Variants in PEAK1 observed in about 807,000 individuals in gnomAD.
PEAK1 encodes inactive tyrosine-protein kinase PEAK1.
Under a neutral mutation model 124.7 loss-of-function variants are expected in PEAK1, and 54 were observed. The observed-to-expected ratio is 0.43, with a 90% confidence interval of 0.35 to 0.54. PEAK1 has a LOEUF of 0.54. Among genes scored for constraint, PEAK1 ranks in the 20% least tolerant of loss-of-function variants. PEAK1 has a pLI of 0.01. For missense variants in PEAK1, 2,046 were observed against 2,134.5 expected, an observed-to-expected ratio of 0.96 and a Z score of 0.82; for synonymous variants, 719 against 760.0, an observed-to-expected ratio of 0.95 and a Z score of 0.89.
chr15:77,253,616 T>A (rs748500659), intron 5 of PEAK1, among the ~76,000 whole-genome samples: 2 of 152,228 alleles, frequency 1.3e-5, no homozygotes, highest in African/African-American at 2.4e-5. Context: ...TTTACCTTCA[T>A]TTTTGAATGA....
intron 5 of PEAK1, chr15:77,278,782 G>A: frequency 2.7e-6 from 1 of 369,012 alleles, no homozygotes. Context: ...TGACTATACA[G>A]TTTGAAATAC....
At chr15:77,283,813 C>T in intron 5 of PEAK1, 70 bp downstream of exon 5, 1 of 743,318 alleles carries the variant, frequency 1.3e-6, no homozygotes, top group Non-Finnish European at 1.6e-6. Flanking sequence ...TATGCTTATT[C>T]TTAATCCAGG....
Position 77,179,137 on chromosome 15 carries a change from G to A in PEAK1, c.2790C>T (p.Ser930=), listed in dbSNP as rs2152817003. The change falls in exon 7 of 10, where the codon AGC becomes AGT. Residue 930 remains serine (S), a synonymous_variant. Transcript: ENST00000682557. ...CATCTGTTTTCCGACGGCGGAAGAA[G>A]CTTTTAAATGATATCCAGCGCTTAG... ...AKPKRWISFK[S]FFRRRKTDEE... 6.2e-7 allele frequency: 1 copy of A among 1,614,154 alleles called. No individual in the cohort carries two copies. Among genetic ancestry groups the A allele is most frequent in the South Asian group, 1.1e-5 (1 of 91,086 alleles).
chr15:77,394,517 C>T (rs184092068), intron 1 of PEAK1, among the ~76,000 whole-genome samples: 2 of 152,258 alleles, frequency 1.3e-5, no homozygotes, highest in Admixed American at 6.5e-5. Flanking sequence ...GGATCTTATC[C>T]AAGACCACCA....
At chr15:77,220,532 A>C (rs1168576599) in intron 6 of PEAK1, among the ~76,000 whole-genome samples, 3 of 151,798 alleles carry the variant, frequency 2.0e-5, no homozygotes, top group South Asian at 2.1e-4. Flanking sequence ...AAAAAAAAAA[A>C]AAAAACGGTG....
At chr15:77,213,462 T>G (rs1203533137) in intron 6 of PEAK1, among the ~76,000 whole-genome samples, 1 of 151,872 alleles carries the variant, frequency 6.6e-6, no homozygotes, top group Non-Finnish European at 1.5e-5. Flanking sequence ...GAGGCCGAGG[T>G]GGGTGATCAC....
chr15:77,239,329 T>C (rs2060257156), intron 6 of PEAK1, among the ~76,000 whole-genome samples: 2 of 152,154 alleles, frequency 1.3e-5, no homozygotes. Flanking sequence ...CCCCAGAAAT[T>C]CTATTTTAAT....
Position 77,180,645 on chromosome 15 carries a change from T to C in PEAK1, c.1282A>G (p.Ile428Val). 1.2e-6 allele frequency: 2 copies of C among 1,614,182 alleles called. No homozygotes were observed. Among genetic ancestry groups the C allele is most frequent in the Non-Finnish European group, 1.7e-6 (2 of 1,180,012 alleles). ...ALRLEEKDGKIAVQTEKEESK... is the reference protein window; with the variant it reads ...ALRLEEKDGKVAVQTEKEESK... ...TCTTCCTTCTCAGTTTGTACAGCAA[T>C]CTTGCCATCTTTCTCTTCTAATCGG... is the stretch of plus-strand genomic sequence containing the variant. The change falls in exon 7 of 10, where the codon ATT becomes GTT. Residue 428 changes from isoleucine to valine, a missense_variant. By Grantham distance (29) the Ile-to-Val change is conservative. Transcript: ENST00000682557.
At chr15:77,261,291 A>C (rs2061425190) in intron 5 of PEAK1, among the ~76,000 whole-genome samples, 1 of 152,236 alleles carries the variant, frequency 6.6e-6, no homozygotes, top group African/African-American at 2.4e-5. Context: ...TGATGAGTTG[A>C]GAGAAGAAGG....
intron 5 of PEAK1, among the ~76,000 whole-genome samples, chr15:77,266,332 A>C (rs1262670229): frequency 6.6e-6 from 1 of 152,156 alleles, no homozygotes; most frequent in Non-Finnish European, 1.5e-5. Flanking sequence ...CTAGGTATTT[A>C]CTCCACAGAG....
intron 1 of PEAK1, among the ~76,000 whole-genome samples, chr15:77,388,316 T>G (rs1217627396): frequency 6.6e-6 from 1 of 152,208 alleles, no homozygotes; most frequent in Admixed American, 6.5e-5. Flanking sequence ...GTGGGCTTCA[T>G]AGGTAAAAGG....
chr15:77,271,783 G>T (rs2062047057), intron 5 of PEAK1, among the ~76,000 whole-genome samples: 1 of 152,148 alleles, frequency 6.6e-6, no homozygotes, highest in Non-Finnish European at 1.5e-5. Context: ...GCCTGTTGTG[G>T]GGTGGGAGGA....
chr15:77,252,452 C>T lies in PEAK1; in HGVS notation c.-200G>A, dbSNP rs1452391343. ...AACATTCCTTCCAAATTTCAAGGTG[C>T]TTTGGGTCTTTCCAAGATGAATGTC... On this transcript the variant is annotated 5_prime_UTR_variant, in exon 6 of 10. Transcript: ENST00000682557. 2 of 984,718 alleles carry T rather than the reference C, an allele frequency of 2.0e-6. No individual in the cohort carries two copies. The highest frequency in any genetic ancestry group is 1.1e-4 in the East Asian group (1 of 8,818). The allele number at this position is 984,718 out of a possible 1,614,324, so 61.0% of individuals were successfully genotyped here. A position where few individuals can be genotyped will look rare whatever the true frequency, so the allele number is the denominator to read the frequency against.
In PEAK1 at chr15:77,180,145, T is replaced by C. The variant is rs2057157697; in HGVS notation, c.1782A>G (p.Lys594=). 1.9e-5 allele frequency: 30 copies of C among 1,614,154 alleles called. No individual in the cohort carries two copies. Among genetic ancestry groups the C allele is most frequent in the Non-Finnish European group, 2.5e-5 (30 of 1,179,992 alleles). Residue 594 remains lysine, a synonymous_variant, in exon 7 of 10, where the codon AAA becomes AAG. Transcript: ENST00000682557. ...TACCAGCATTGTTATAACTATTAAA[T>C]TTAATTTCAGACAAATTAGGTGACT... ...PVKSPNLSEI[K]FNSYNNAGMP...
At chr15:77,362,855 A>T (rs1257272630) in intron 2 of PEAK1, among the ~76,000 whole-genome samples, 2 of 152,056 alleles carry the variant, frequency 1.3e-5, no homozygotes, top group Non-Finnish European at 1.5e-5. Flanking sequence ...TTTTTATTTT[A>T]TTTATTTATT....
rs185153768 is a variant in PEAK1, at chr15:77,250,282, C to T, written c.-115+2085G>A. On this transcript the variant is annotated intron_variant, in intron 6 of 9. Transcript: ENST00000682557. ...ATTTTTTTTTGACAGAGTTTCACTC[C>T]GTCACCCAGGCTGGAGTGCAGTGGC... Among the ~76,000 whole-genome samples, 107 of 145,002 alleles carry T rather than the reference C, an allele frequency of 7.4e-4. 4 individuals carry two copies. Among genetic ancestry groups the T allele is most frequent in the Non-Finnish European group, 7.5e-5 (5 of 66,984 alleles).
In PEAK1 at chr15:77,179,070, C is replaced by A. The variant is rs767479708; in HGVS notation, c.2857G>T (p.Val953Leu). 1.2e-6 allele frequency: 2 copies of A among 1,614,060 alleles called. No individual in the cohort carries two copies. Among genetic ancestry groups the A allele is most frequent in the African/African-American group, 1.3e-5 (1 of 74,920 alleles). ...TGAATGACTGTGCCATCCAGGCCCACCAGTTTCCCTTTCTCTCGCTCTTTC... is the reference window on the plus strand; with the variant it reads ...TGAATGACTGTGCCATCCAGGCCCAACAGTTTCCCTTTCTCTCGCTCTTTC... ...KEKEREKGKLVGLDGTVIHML... is the reference protein window; with the variant it reads ...KEKEREKGKLLGLDGTVIHML... The change falls in exon 7 of 10, where the codon GTG becomes TTG. Residue 953 changes from valine to leucine, a missense_variant. By Grantham distance (32) the Val-to-Leu change is conservative (BLOSUM62 1). Coordinates refer to ENST00000682557, the MANE Select transcript of PEAK1 (RefSeq NM_001385026.1).
intron 2 of PEAK1, among the ~76,000 whole-genome samples, chr15:77,308,500 T>C (rs566921104): frequency 6.6e-6 from 1 of 152,220 alleles, no homozygotes; most frequent in Non-Finnish European, 1.5e-5. Context: ...TTCCAGTTAA[T>C]AAATTTCAGT....
At chr15:77,413,493 A>C (rs2072581866) in intron 1 of PEAK1, among the ~76,000 whole-genome samples, 2 of 152,212 alleles carry the variant, frequency 1.3e-5, no homozygotes, top group Admixed American at 1.3e-4. Context: ...CCCAAAATCC[A>C]TAACCCCAAT....
Sources: gnomAD v4.1 joint callset for allele counts (sites outside exome capture counted in the v4.1 genomes callset) on GRCh38, gnomAD v4.1.1 for gene constraint, MANE v1.5 for transcripts, NCBI Gene and HGNC (gene_info 2026-07-23, HGNC 2026-07-21) for gene names.